Variants in GRAMD4 observed in about 807,000 individuals in gnomAD.
GRAMD4 encodes GRAM domain-containing protein 4.
A neutral mutation model predicts 83.9 loss-of-function variants in GRAMD4; 25 were observed. The observed-to-expected ratio is 0.30, with a 90% CI of 0.22 to 0.42. The LOEUF is 0.42. Among genes scored for constraint, GRAMD4 ranks in the 10% least tolerant of loss-of-function variants. The pLI is 1.00. For synonymous variants in GRAMD4, 336 were observed against 320.9 expected, an observed-to-expected ratio of 1.05 and a Z score of -0.50; for missense variants, 593 against 788.7, an observed-to-expected ratio of 0.75 and a Z score of 2.97.
At chr22:46,660,978 G>A (rs2082318181) in intron 4 of GRAMD4, among the ~76,000 whole-genome samples, 1 of 152,230 alleles carries the variant, frequency 6.6e-6, no homozygotes, top group Non-Finnish European at 1.5e-5. Context: ...GCTGGGTACA[G>A]GCTGCTGACA....
chr22:46,661,470 C>T, intron 5 of GRAMD4, 28 bp downstream of exon 5: 1 of 1,515,158 alleles, frequency 6.6e-7, no homozygotes, highest in Non-Finnish European at 9.1e-7. Context: ...GGTGGACAGG[C>T]AGGCGGGCGG....
chr22:46,635,469 G>A (rs2081858693), intron 2 of GRAMD4, among the ~76,000 whole-genome samples: 1 of 100,558 alleles, frequency 9.9e-6, no homozygotes, highest in Non-Finnish European at 2.0e-5. Context: ...TGTCCTCCCT[G>A]CCCCCACCCC....
At chr22:46,637,540 C>T (rs2147221877) in intron 2 of GRAMD4, among the ~76,000 whole-genome samples, 1 of 152,320 alleles carries the variant, frequency 6.6e-6, no homozygotes, top group Non-Finnish European at 1.5e-5. Context: ...TGCCCAGCCT[C>T]CATTTTTAAG....
At chr22:46,585,951 C>A (rs969290940) in intron 1 of GRAMD4, among the ~76,000 whole-genome samples, 2 of 152,202 alleles carry the variant, frequency 1.3e-5, no homozygotes, top group African/African-American at 4.8e-5. Flanking sequence ...GGTTCAGCCA[C>A]GTCTTGGGTG....
chr22:46,679,766 C>T lies in GRAMD4; in HGVS notation c.*2515C>T. 1 of 980,474 alleles carries T rather than the reference C, an allele frequency of 1.0e-6. No homozygotes were observed. Among genetic ancestry groups the T allele is most frequent in the Non-Finnish European group, 1.2e-6 (1 of 825,300 alleles). 60.7% of individuals were successfully genotyped at this position (980,474 alleles called of 1,614,324 possible). A position where few individuals can be genotyped will look rare whatever the true frequency, so the allele number is the denominator to read the frequency against. On this transcript the variant is annotated 3_prime_UTR_variant, in exon 19 of 19. Coordinates refer to ENST00000406902, the MANE Select transcript of GRAMD4 (RefSeq NM_015124.5). ...AAATTATAATTTTTATTTAAATAAA[C>T]CTAAAATGCTTTGTGCTAAGGCTCA...
At chr22:46,666,114 G>A (rs746642058) in intron 9 of GRAMD4, among the ~76,000 whole-genome samples, 1 of 152,172 alleles carries the variant, frequency 6.6e-6, no homozygotes, top group East Asian at 1.9e-4. Context: ...AGTACCAGTC[G>A]CCTGCAGACA....
intron 1 of GRAMD4, among the ~76,000 whole-genome samples, chr22:46,608,635 C>T (rs980838822): frequency 2.0e-5 from 3 of 152,130 alleles, no homozygotes; most frequent in Non-Finnish European, 4.4e-5. Flanking sequence ...GCCAAGATTG[C>T]ATTACTGTAC....
intron 1 of GRAMD4, among the ~76,000 whole-genome samples, chr22:46,585,378 C>A (rs767346407): frequency 6.6e-6 from 1 of 152,066 alleles, no homozygotes; most frequent in Non-Finnish European, 1.5e-5. Context: ...TTAGTAGAGT[C>A]GGAGTTTCTC....
intron 1 of GRAMD4, among the ~76,000 whole-genome samples, chr22:46,595,143 CAG>C (rs2081249207): frequency 6.6e-6 from 1 of 152,048 alleles, no homozygotes; most frequent in Non-Finnish European, 1.5e-5. Context: ...TGGAGACACA[CAG>C]GGTGGGGGAA....
At chr22:46,628,844 G>C (rs551733455) in intron 2 of GRAMD4, among the ~76,000 whole-genome samples, 1 of 152,256 alleles carries the variant, frequency 6.6e-6, no homozygotes, top group African/African-American at 2.4e-5. Flanking sequence ...CTGGGGAGTA[G>C]CTTGGAGAAT....
intron 17 of GRAMD4, among the ~76,000 whole-genome samples, chr22:46,676,355 C>T (rs1039426454): frequency 1.2e-4 from 19 of 152,226 alleles, no homozygotes; most frequent in Admixed American, 1.0e-3. Flanking sequence ...TGTCTCTGAC[C>T]TTCCTCAGGC....
intron 1 of GRAMD4, among the ~76,000 whole-genome samples, chr22:46,614,281 G>A (rs1185593939): frequency 6.6e-6 from 1 of 152,188 alleles, no homozygotes; most frequent in Non-Finnish European, 1.5e-5. Flanking sequence ...AGGGCGGGGC[G>A]CTGCTGCCAC....
rs548437433 is a variant in GRAMD4, at chr22:46,666,949, C to G, written c.858+76C>G. 3.7e-6 allele frequency: 4 copies of G among 1,078,120 alleles called. No individual in the cohort carries two copies. The South Asian group carries it at 4.6e-5, about 12-fold the overall frequency. The allele number at this position is 1,078,120 out of a possible 1,614,324, so 66.8% of individuals were successfully genotyped here. The stretch of plus-strand genomic sequence containing the variant: ...GGCCTCACAGCCTGTAGGCACCGCT[C>G]GGGGAAGCCTCTGGATGAGGCCATG... On this transcript the variant is annotated intron_variant, in intron 10 of 18. Coordinates refer to ENST00000406902, the MANE Select transcript of GRAMD4 (RefSeq NM_015124.5).
intron 1 of GRAMD4, among the ~76,000 whole-genome samples, chr22:46,590,507 C>T (rs1340590175): frequency 6.6e-6 from 1 of 152,168 alleles, no homozygotes; most frequent in Non-Finnish European, 1.5e-5. Flanking sequence ...GTGACCAGGC[C>T]TGGGCTGCTG....
At chr22:46,618,653 T>G (rs2147128350), upstream of GRAMD4, among the ~76,000 whole-genome samples, 1 of 152,132 alleles carries the variant, frequency 6.6e-6, no homozygotes, top group Non-Finnish European at 1.5e-5. This position sits in a 1 kb window ranked among gnomAD's most constrained non-coding sequence, Gnocchi z 5.8. Flanking sequence ...GCTTGCCATG[T>G]GGAGAAGGCT....
Position 46,677,296 on chromosome 22 carries a change from C to G in GRAMD4, c.*45C>G, listed in dbSNP as rs1024394361. 2 of 1,548,648 alleles carry G rather than the reference C, an allele frequency of 1.3e-6. No homozygotes were observed. ...TTGCTGGAATTTTCTTTTTCTTTTT[C>G]TTTTTCTTTTTTTTTTTTTACGATT... On this transcript the variant is annotated 3_prime_UTR_variant, in exon 19 of 19. Coordinates refer to ENST00000406902, the MANE Select transcript of GRAMD4 (RefSeq NM_015124.5).
Position 46,678,075 on chromosome 22 carries a change from AC to A in GRAMD4, c.*825del. The stretch of plus-strand genomic sequence containing the variant: ...GCAGGTAAAAGCACATCTTTCTCAC[AC>A]TTTGCTCTTTGGAAGGCCCAGGAGA... On this transcript the variant is annotated 3_prime_UTR_variant, in exon 19 of 19. Coordinates refer to ENST00000406902, the MANE Select transcript of GRAMD4 (RefSeq NM_015124.5). 2 of 985,482 alleles carry A rather than the reference AC, an allele frequency of 2.0e-6. No homozygotes were observed. The highest frequency in any genetic ancestry group is 3.5e-5 in the African/African-American group (2 of 57,342). The allele number at this position is 985,482 out of a possible 1,614,324, so 61.0% of individuals were successfully genotyped here. A position where few individuals can be genotyped will look rare whatever the true frequency, so the allele number is the denominator to read the frequency against.
In GRAMD4 at chr22:46,629,453, C is replaced by T. The variant is rs554307359; in HGVS notation, c.162+2492C>T. 7.4e-4 allele frequency among the ~76,000 whole-genome samples: 112 copies of T among 152,260 alleles called. 1 individual carries two copies. The South Asian group carries it at 0.021, about 28-fold the overall frequency. On this transcript the variant is annotated intron_variant, in intron 2 of 18. Transcript: ENST00000406902. Reference sequence around the variant, plus strand: ...GTTCCAGGGCTCCTTTGCGAAGCCTCGTTCCTGTAGCACGTTGACACTGCT... The same window carrying T: ...GTTCCAGGGCTCCTTTGCGAAGCCTTGTTCCTGTAGCACGTTGACACTGCT...
intron 2 of GRAMD4, among the ~76,000 whole-genome samples, chr22:46,636,305 G>T (rs940562804): frequency 2.0e-5 from 3 of 152,214 alleles, no homozygotes; most frequent in African/African-American, 7.2e-5. Flanking sequence ...TCATCTGTCA[G>T]TGCTGGGACA....
Sources: gnomAD v4.1 joint callset for allele counts (sites outside exome capture counted in the v4.1 genomes callset) on GRCh38, gnomAD v4.1.1 for gene constraint, Gnocchi (gnomAD v3.1) non-coding constraint, MANE v1.5 for transcripts, NCBI Gene and HGNC (gene_info 2026-07-23, HGNC 2026-07-21) for gene names.